The following ENTPD1 variants were observed in gnomAD, a reference collection of about 807,000 sequenced individuals.
ENTPD1 encodes ectonucleoside triphosphate diphosphohydrolase 1, also known as ATP diphosphohydrolase.
In ENTPD1, 33 loss-of-function variants were observed where a neutral mutation model predicts 57.0. The observed-to-expected ratio is 0.58, with a 90% CI of 0.44 to 0.77. ENTPD1 has a LOEUF of 0.77. Ranked by LOEUF, ENTPD1 falls within the 30% of genes least tolerant of loss-of-function variation. The probability of loss-of-function intolerance (pLI) is 0.00; values close to 1 mark genes in which losing one functional copy is unlikely to be tolerated. For missense variants in ENTPD1, 501 were observed against 603.4 expected (o/e 0.83, Z 1.78); for synonymous variants, 202 against 218.8 (o/e 0.92, Z 0.68).
At chr10:95,818,393 G>A (rs970863645) in intron 1 of ENTPD1, among the ~76,000 whole-genome samples, 1 of 152,202 alleles carries the variant, frequency 6.6e-6, no homozygotes, top group Non-Finnish European at 1.5e-5. Flanking sequence ...GGAGGTCTAG[G>A]TAGACCAGTG....
chr10:95,806,701 T>C (rs2098274043), intron 1 of ENTPD1, among the ~76,000 whole-genome samples: 1 of 152,250 alleles, frequency 6.6e-6, no homozygotes, highest in Non-Finnish European at 1.5e-5. Context: ...TTGATGTTGA[T>C]GCTATTTCCT....
At chr10:95,860,211 C>T (rs1258129353) in intron 7 of ENTPD1, among the ~76,000 whole-genome samples, 1 of 151,986 alleles carries the variant, frequency 6.6e-6, no homozygotes, top group African/African-American at 2.4e-5. Flanking sequence ...ATTCTCTTTC[C>T]CCATTTTTCT....
the ENTPD1 span, among the ~76,000 whole-genome samples, chr10:95,699,814 A>G: frequency 6.6e-6 from 1 of 152,218 alleles, no homozygotes; most frequent in South Asian, 2.1e-4. Context: ...TTTTTCATAC[A>G]TTTTTGAAGA....
intron 1 of ENTPD1, among the ~76,000 whole-genome samples, chr10:95,794,031 A>C (rs540251339): frequency 1.3e-5 from 2 of 152,342 alleles, no homozygotes; most frequent in South Asian, 4.1e-4. Flanking sequence ...ATTGTATGAT[A>C]TGAATTGGAT....
intron 1 of ENTPD1, among the ~76,000 whole-genome samples, chr10:95,723,690 G>A (rs2097980309): frequency 6.6e-6 from 1 of 152,162 alleles, no homozygotes; most frequent in African/African-American, 2.4e-5. Context: ...ACACACATGG[G>A]CAACTGTTGA....
chr10:95,864,744 A>G lies in ENTPD1; in HGVS notation c.1209A>G (p.Gly403=). 6.2e-7 allele frequency: 1 copy of G among 1,614,116 alleles called. No individual in the cohort carries two copies. Among genetic ancestry groups the G allele is most frequent in the Non-Finnish European group, 8.5e-7 (1 of 1,180,022 alleles). Residue 403 remains glycine (G), a synonymous_variant, in exon 9 of 10, where the codon GGA becomes GGG. Coordinates refer to ENST00000371205, the MANE Select transcript of ENTPD1 (RefSeq NM_001776.6). The part of the protein sequence containing the change: ...PWEEIKTSYA[G]VKEKYLSEYC... ...TCTAGATAAAAACATCTTACGCTGG[A>G]GTAAAGGAGAAGTACCTGAGTGAAT...
At chr10:95,801,113 A>G (rs2098247818) in intron 1 of ENTPD1, among the ~76,000 whole-genome samples, 1 of 152,188 alleles carries the variant, frequency 6.6e-6, no homozygotes, top group Admixed American at 6.6e-5. Context: ...AATCTTCACA[A>G]TTTATTTTCT....
rs188470608 is a variant in ENTPD1 at position 95,872,171 on chromosome 10, G to A, written c.*5788G>A. ...ACCTGGACTGATACCAGGAATGGTG[G>A]TGTTGCTTCCAATCTGTTGCTGCTA... is the stretch of plus-strand genomic sequence containing the variant. On this transcript the variant is annotated 3_prime_UTR_variant, in exon 10 of 10. Transcript: ENST00000371205. The A allele has an allele frequency of 3.6e-5, 35 of 985,446 alleles. No homozygotes were observed. In the East Asian group the frequency reaches 1.6e-3, roughly 45 times the overall value. 61.0% of individuals were successfully genotyped at this position (985,446 alleles called of 1,614,324 possible). A position where few individuals can be genotyped will look rare whatever the true frequency, so the allele number is the denominator to read the frequency against.
At chr10:95,819,256 T>C (rs2098340339) in intron 1 of ENTPD1, among the ~76,000 whole-genome samples, 1 of 152,164 alleles carries the variant, frequency 6.6e-6, no homozygotes, top group Admixed American at 6.5e-5. Flanking sequence ...CTCGGTGTCC[T>C]GGGCTCAAGC....
At chr10:95,694,220 C>G in the ENTPD1 span, 15 of 371,432 alleles carry the variant, frequency 4.0e-5, no homozygotes, top group East Asian at 1.1e-3. Flanking sequence ...AGGTTCCGCG[C>G]CCACTTCGCG....
At chr10:95,814,483 G>T (rs998396463) in intron 1 of ENTPD1, among the ~76,000 whole-genome samples, 18 of 152,146 alleles carry the variant, frequency 1.2e-4, no homozygotes, top group Non-Finnish European at 2.2e-4. Flanking sequence ...TGAGAAGAGT[G>T]TGTTGCCCAA....
At chr10:95,789,050 G>T (rs1381386727) in intron 1 of ENTPD1, among the ~76,000 whole-genome samples, 1 of 152,192 alleles carries the variant, frequency 6.6e-6, no homozygotes, top group East Asian at 1.9e-4. Flanking sequence ...ACATGAACAG[G>T]AAGAGGAATG....
chr10:95,755,520 T>TG, upstream of ENTPD1: 1 of 609,326 alleles, frequency 1.6e-6, no homozygotes, highest in South Asian at 2.1e-5. Flanking sequence ...AAGTCAAAGT[T>TG]GGGAAATGGT....
intron 1 of ENTPD1, among the ~76,000 whole-genome samples, chr10:95,796,437 A>G (rs1566158782): frequency 6.6e-6 from 1 of 152,172 alleles, no homozygotes. Flanking sequence ...TTAGTTAGAT[A>G]AATAAGAGAG....
chr10:95,839,848 G>C (rs754651985), intron 3 of ENTPD1, 40 bp downstream of exon 3: 2 of 1,595,536 alleles, frequency 1.3e-6, no homozygotes, highest in Non-Finnish European at 1.7e-6. Flanking sequence ...CAACAGTGGG[G>C]CATGAGAACA....
intron 1 of ENTPD1, among the ~76,000 whole-genome samples, chr10:95,778,698 T>C (rs1363034038): frequency 3.9e-5 from 6 of 152,190 alleles, no homozygotes; most frequent in Non-Finnish European, 8.8e-5. Context: ...TTTATTTAAA[T>C]AAAATTGTAC....
intron 1 of ENTPD1, among the ~76,000 whole-genome samples, chr10:95,784,332 C>A (rs889627056): frequency 5.3e-5 from 8 of 152,044 alleles, no homozygotes; most frequent in Non-Finnish European, 1.2e-4. Flanking sequence ...CATTATGGGG[C>A]CACTAAAAAT....
intron 2 of ENTPD1, chr10:95,839,392 T>G (rs2098417940): frequency 4.9e-6 from 2 of 404,088 alleles, no homozygotes; most frequent in African/African-American, 4.1e-5. Flanking sequence ...CATGTGGTTC[T>G]GAATCTTGGC....
At chr10:95,723,857 G>C (rs1232773748) in intron 1 of ENTPD1, among the ~76,000 whole-genome samples, 1 of 152,096 alleles carries the variant, frequency 6.6e-6, no homozygotes, top group Non-Finnish European at 1.5e-5. Context: ...AAGGATTGGG[G>C]GTTGTTAGAA....
Sources: allele counts gnomAD v4.1 joint callset (sites outside exome capture counted in the v4.1 genomes callset), GRCh38; gene constraint gnomAD v4.1.1; transcripts MANE v1.5; gene names NCBI Gene and HGNC (gene_info 2026-07-23, HGNC 2026-07-21).